The following MARCHF8 variants were observed in gnomAD, a reference collection of about 807,000 sequenced individuals.
MARCHF8 encodes the protein membrane associated ring-CH-type finger 8.
In MARCHF8, 40 loss-of-function variants were observed where a neutral mutation model predicts 51.6. The ratio of observed to expected loss-of-function variants is 0.77; its 90% CI spans 0.60 to 1.01. The LOEUF (loss-of-function observed/expected upper bound fraction) is 1.01. Ranked by LOEUF, MARCHF8 falls within the 50% of genes least tolerant of loss-of-function variation. MARCHF8 has a pLI of 0.00. For missense variants in MARCHF8, 685 were observed against 708.6 expected (o/e 0.97, Z 0.38); for synonymous variants, 263 against 280.3 (o/e 0.94, Z 0.62).
At chr10:45,511,009 C>T (rs2043489788) in intron 2 of MARCHF8, among the ~76,000 whole-genome samples, 1 of 152,172 alleles carries the variant, frequency 6.6e-6, no homozygotes, top group Non-Finnish European at 1.5e-5. Context: ...ATTTATAGTT[C>T]CCCAAGCCTT....
At chr10:45,522,432 A>G (rs1344854688) in intron 2 of MARCHF8, among the ~76,000 whole-genome samples, 1 of 150,778 alleles carries the variant, frequency 6.6e-6, no homozygotes, top group Non-Finnish European at 1.5e-5. Context: ...ATTAGATGAA[A>G]AGACCTTTGC....
chr10:45,545,411 T>C (rs974126611), intron 1 of MARCHF8, among the ~76,000 whole-genome samples: 3 of 152,182 alleles, frequency 2.0e-5, no homozygotes, highest in Non-Finnish European at 4.4e-5. Context: ...AGTACCCTAG[T>C]GGAGATTTGG....
intron 2 of MARCHF8, among the ~76,000 whole-genome samples, chr10:45,530,298 G>C (rs2043856430): frequency 6.6e-6 from 1 of 152,174 alleles, no homozygotes; most frequent in Admixed American, 6.5e-5. Context: ...ATGGGAGTGG[G>C]TGAGGGATGA....
intron 2 of MARCHF8, among the ~76,000 whole-genome samples, chr10:45,528,169 A>G (rs1215795601): frequency 6.6e-6 from 1 of 152,180 alleles, no homozygotes; most frequent in African/African-American, 2.4e-5. Context: ...GGTTGAAAGC[A>G]TTCCCCTTAA....
chr10:45,521,567 A>G (rs2043706734), intron 2 of MARCHF8, among the ~76,000 whole-genome samples: 1 of 152,246 alleles, frequency 6.6e-6, no homozygotes, highest in Non-Finnish European at 1.5e-5. Context: ...TGTGCCTCCC[A>G]GACATGGTGC....
intron 1 of MARCHF8, among the ~76,000 whole-genome samples, chr10:45,549,872 G>A (rs904556925): frequency 6.6e-6 from 1 of 152,178 alleles, no homozygotes; most frequent in Non-Finnish European, 1.5e-5. Context: ...GCCCTCACCA[G>A]ATGTGAGCCC....
chr10:45,480,578 C>T (rs901018041), intron 3 of MARCHF8, among the ~76,000 whole-genome samples: 17 of 152,200 alleles, frequency 1.1e-4, no homozygotes, highest in Admixed American at 1.3e-4. Flanking sequence ...CCAAAGGATA[C>T]AAGCAGCCAG....
chr10:45,560,956 G>A (rs1343656829), intron 1 of MARCHF8, among the ~76,000 whole-genome samples: 1 of 152,076 alleles, frequency 6.6e-6, no homozygotes, highest in Non-Finnish European at 1.5e-5. Context: ...AAACATGCAA[G>A]GGAAATAAGG....
chr10:45,511,562 C>T, intron 2 of MARCHF8, among the ~76,000 whole-genome samples: 1 of 152,270 alleles, frequency 6.6e-6, no homozygotes, highest in Non-Finnish European at 1.5e-5. Flanking sequence ...CGCGCGCCGC[C>T]ACACCTGACT....
upstream of MARCHF8, among the ~76,000 whole-genome samples, chr10:45,536,249 G>A (rs952479259): frequency 3.9e-5 from 6 of 151,984 alleles, no homozygotes; most frequent in Admixed American, 1.3e-4. Flanking sequence ...ATAAACCCAC[G>A]TATCTATAGT....
intron 3 of MARCHF8, among the ~76,000 whole-genome samples, chr10:45,487,541 G>A (rs1017634349): frequency 1.3e-5 from 2 of 152,154 alleles, no homozygotes; most frequent in Non-Finnish European, 2.9e-5. Flanking sequence ...TTTAAAAGGT[G>A]CAAAAATGGG....
intron 3 of MARCHF8, among the ~76,000 whole-genome samples, chr10:45,474,302 G>T (rs952208429): frequency 6.6e-6 from 1 of 152,138 alleles, no homozygotes; most frequent in Non-Finnish European, 1.5e-5. Context: ...GTCACCTCAC[G>T]TCACCTGAGT....
chr10:45,459,068 CT>C, intron 7 of MARCHF8, 51 bp downstream of exon 7: 1 of 1,609,656 alleles, frequency 6.2e-7, no homozygotes. Context: ...CCCAGGACTC[CT>C]GTGAGCTATC....
chr10:45,589,728 T>C (rs1206729861), intron 1 of MARCHF8, among the ~76,000 whole-genome samples: 1 of 152,242 alleles, frequency 6.6e-6, no homozygotes, highest in East Asian at 1.9e-4. Flanking sequence ...CATCCATTTG[T>C]AGCATGAGTC....
At chr10:45,469,515 T>C (rs1330088496) in intron 3 of MARCHF8, among the ~76,000 whole-genome samples, 1 of 152,070 alleles carries the variant, frequency 6.6e-6, no homozygotes, top group Non-Finnish European at 1.5e-5. Flanking sequence ...GATAAAGTCT[T>C]TTGAGGTAAT....
chr10:45,474,935 G>A (rs965826417), intron 3 of MARCHF8, among the ~76,000 whole-genome samples: 5 of 152,170 alleles, frequency 3.3e-5, no homozygotes, highest in African/African-American at 1.2e-4. Context: ...CCTGGAGATG[G>A]CGAGAAGGCA....
At chr10:45,548,730 C>T (rs1057318364) in intron 1 of MARCHF8, among the ~76,000 whole-genome samples, 3 of 152,148 alleles carry the variant, frequency 2.0e-5, no homozygotes, top group Admixed American at 6.5e-5. Context: ...TGGCCAGGCA[C>T]GGTGGCTCAT....
intron 3 of MARCHF8, among the ~76,000 whole-genome samples, chr10:45,488,231 A>G (rs1446452299): frequency 6.6e-6 from 1 of 152,098 alleles, no homozygotes; most frequent in African/African-American, 2.4e-5. Flanking sequence ...CCTGTGATCC[A>G]GTTCTGGCCA....
chr10:45,573,357 C>T (rs956152752), intron 1 of MARCHF8, among the ~76,000 whole-genome samples: 1 of 152,162 alleles, frequency 6.6e-6, no homozygotes, highest in Non-Finnish European at 1.5e-5. Context: ...CAATGTATTT[C>T]TGAGTTGCAA....
Sources: allele counts gnomAD v4.1 joint callset (sites outside exome capture counted in the v4.1 genomes callset), GRCh38; gene constraint gnomAD v4.1.1; transcripts MANE v1.5; gene names NCBI Gene and HGNC (gene_info 2026-07-23, HGNC 2026-07-21).